GRIA1: variants seen among roughly 807,000 people sequenced by gnomAD.
The protein encoded by GRIA1 is glutamate ionotropic receptor AMPA type subunit 1, also known as glutamate receptor 1.
A neutral mutation model predicts 99.2 loss-of-function variants in GRIA1; 31 were observed. The observed-to-expected ratio is 0.31, with a 90% CI of 0.23 to 0.42. The LOEUF (loss-of-function observed/expected upper bound fraction) is 0.42, where lower values mean the gene tolerates loss of function less well. Ranked by LOEUF, GRIA1 falls within the 10% of genes least tolerant of loss-of-function variation. The pLI is 1.00. For missense variants in GRIA1, 782 were observed against 1,157.5 expected, an observed-to-expected ratio of 0.68 and a Z score of 4.71; for synonymous variants, 438 against 432.4, an observed-to-expected ratio of 1.01 and a Z score of -0.16.
In GRIA1 at chr5:153,689,028, C is replaced by T. The variant is rs895099618; in HGVS notation, c.1134+2699C>T. ...AGCCACCGCCCCCAGGCTTTTTTTT[C>T]TTTCTTTCTTTCTTTTTTGAGGCAG... On this transcript the variant is annotated intron_variant, in intron 8 of 15. Coordinates refer to ENST00000285900, the MANE Select transcript of GRIA1 (RefSeq NM_000827.4). 4.0e-5 allele frequency among the ~76,000 whole-genome samples: 6 copies of T among 151,030 alleles called. No individual in the cohort carries two copies. In the East Asian group the frequency reaches 9.7e-4, roughly 24 times the overall value.
intron 2 of GRIA1, among the ~76,000 whole-genome samples, chr5:153,511,963 A>C (rs1207131010): frequency 2.0e-5 from 3 of 152,186 alleles, no homozygotes; most frequent in African/African-American, 4.8e-5. Context: ...CTGAAATAAC[A>C]CCCAGCCTCT....
chr5:153,499,107 T>A (rs1754716688), intron 2 of GRIA1, among the ~76,000 whole-genome samples: 1 of 152,304 alleles, frequency 6.6e-6, no homozygotes, highest in South Asian at 2.1e-4. Context: ...AAACAAGAAT[T>A]ATTTTGAAGA....
At chr5:153,763,704 A>C (rs1313466092) in intron 11 of GRIA1, among the ~76,000 whole-genome samples, 1 of 152,192 alleles carries the variant, frequency 6.6e-6, no homozygotes, top group African/African-American at 2.4e-5. Flanking sequence ...GTTTCTCTTC[A>C]TTGTTTGGGA....
At chr5:153,694,131 A>AT (rs1433857272) in intron 8 of GRIA1, among the ~76,000 whole-genome samples, 2 of 152,160 alleles carry the variant, frequency 1.3e-5, no homozygotes, top group East Asian at 1.9e-4. Flanking sequence ...GCTATACCAC[A>AT]TTTTTTTAGA....
At chr5:153,718,782 C>G (rs957082763) in intron 11 of GRIA1, among the ~76,000 whole-genome samples, 2 of 152,170 alleles carry the variant, frequency 1.3e-5, no homozygotes, top group African/African-American at 2.4e-5. Flanking sequence ...TGACAGGCAT[C>G]TCCTTATCTG....
Position 153,498,255 on chromosome 5 carries a change from A to G in GRIA1, c.220+4190A>G, listed in dbSNP as rs899970663. Among the ~76,000 whole-genome samples, 4 of 151,966 alleles carry G rather than the reference A, an allele frequency of 2.6e-5. No individual in the cohort carries two copies. The East Asian group carries it at 7.7e-4, about 29-fold the overall frequency. On this transcript the variant is annotated intron_variant, in intron 2 of 15. Coordinates refer to ENST00000285900, the MANE Select transcript of GRIA1 (RefSeq NM_000827.4). ...CTTTCCCAATCAGCCCATTCTTCCC[A>G]TTTTCTTTACCTGCTGGCTTTGGCA...
At position 153,646,920 on chromosome 5, in the gene GRIA1, T is replaced by C. The variant is rs776293060; in HGVS notation, c.221-8T>C. On this transcript the variant is annotated splice_region_variant and splice_polypyrimidine_tract_variant and intron_variant, in intron 2 of 15. Coordinates refer to ENST00000285900, the MANE Select transcript of GRIA1 (RefSeq NM_000827.4). ...CTTCTATTCATTAATCCTTCTCTTC[T>C]CTTGTAGTCTGTTCCCAGTTCTCCA... 6.2e-7 allele frequency: 1 copy of C among 1,613,392 alleles called. No homozygotes were observed. Among genetic ancestry groups the C allele is most frequent in the Admixed American group, 1.7e-5 (1 of 59,964 alleles).
chr5:153,515,353 T>C (rs367578061), intron 2 of GRIA1, among the ~76,000 whole-genome samples: 27 of 152,320 alleles, frequency 1.8e-4, no homozygotes, highest in African/African-American at 4.6e-4. Flanking sequence ...GAGGACATCA[T>C]GCTAAGTTAA....
intron 11 of GRIA1, among the ~76,000 whole-genome samples, chr5:153,759,556 G>C (rs926391008): frequency 5.9e-5 from 9 of 151,922 alleles, no homozygotes; most frequent in African/African-American, 2.2e-4. Flanking sequence ...GATTGAATCA[G>C]TAATAAAAAG....
At chr5:153,650,127 A>G (rs1243276509) in intron 3 of GRIA1, among the ~76,000 whole-genome samples, 1 of 152,196 alleles carries the variant, frequency 6.6e-6, no homozygotes, top group African/African-American at 2.4e-5. Context: ...TTGTTTTTTA[A>G]TCACTAGTTC....
chr5:153,753,056 AAGG>A (rs1762598873), intron 11 of GRIA1, among the ~76,000 whole-genome samples: 1 of 152,216 alleles, frequency 6.6e-6, no homozygotes, highest in Admixed American at 6.5e-5. Context: ...CTATAACCAC[AAGG>A]AGATGAATTC....
intron 2 of GRIA1, among the ~76,000 whole-genome samples, chr5:153,618,013 G>T (rs949604231): frequency 6.6e-6 from 1 of 152,190 alleles, no homozygotes; most frequent in Non-Finnish European, 1.5e-5. Flanking sequence ...GTGTGGGGTG[G>T]ATGTAGTAAC....
Position 153,551,925 on chromosome 5 carries a change from T to G in GRIA1, c.220+57860T>G, listed in dbSNP as rs527971810. On this transcript the variant is annotated intron_variant, in intron 2 of 15. Transcript: ENST00000285900. The stretch of plus-strand genomic sequence containing the variant: ...AGGGAAAATACTATAGTCACCCTAA[T>G]TCCTTCAAGAAAGAAGGCAGAGAAA... Among the ~76,000 whole-genome samples the G allele has an allele frequency of 1.4e-4, 22 of 152,294 alleles. 1 individual carries two copies. The highest frequency in any genetic ancestry group is 1.3e-3 in the Admixed American group (20 of 15,292).
chr5:153,772,465 T>G (rs1210810036), intron 13 of GRIA1, among the ~76,000 whole-genome samples: 1 of 152,100 alleles, frequency 6.6e-6, no homozygotes, highest in Non-Finnish European at 1.5e-5. Flanking sequence ...AAGCTGAGAT[T>G]GGAGGATGAG....
At chr5:153,720,496 G>A (rs1217784184) in intron 11 of GRIA1, among the ~76,000 whole-genome samples, 1 of 152,114 alleles carries the variant, frequency 6.6e-6, no homozygotes, top group African/African-American at 2.4e-5. Context: ...TCCATCCCAC[G>A]CCCAGAGTCT....
rs982937956 is a variant in GRIA1, at chr5:153,637,788, G to A, written c.221-9140G>A. The stretch of plus-strand genomic sequence containing the variant: ...GGACTGAAGCACAGGGGAGTATTAC[G>A]TATCTTCCAGACCTGTGGATGCTAG... On this transcript the variant is annotated intron_variant, in intron 2 of 15. Transcript: ENST00000285900. 4.6e-5 allele frequency among the ~76,000 whole-genome samples: 7 copies of A among 152,038 alleles called. No individual in the cohort carries two copies. In the East Asian group the frequency reaches 7.7e-4, roughly 17 times the overall value.
chr5:153,737,439 A>G (rs1300836965), intron 11 of GRIA1, among the ~76,000 whole-genome samples: 1 of 152,164 alleles, frequency 6.6e-6, no homozygotes, highest in African/African-American at 2.4e-5. Flanking sequence ...GTGATTGCCA[A>G]TTACTGTGTG....
chr5:153,573,819 CATG>C (rs1762317796), intron 2 of GRIA1, among the ~76,000 whole-genome samples: 1 of 152,122 alleles, frequency 6.6e-6, no homozygotes, highest in South Asian at 2.1e-4. Context: ...TGTGTGGCTG[CATG>C]CCAAATGCTC....
intron 5 of GRIA1, among the ~76,000 whole-genome samples, chr5:153,670,054 T>C (rs1026803570): frequency 3.9e-5 from 6 of 152,230 alleles, no homozygotes; most frequent in African/African-American, 1.4e-4. Context: ...TGGGGATGGT[T>C]ATTTTGCAAA....
Sources: allele counts gnomAD v4.1 joint callset (sites outside exome capture counted in the v4.1 genomes callset), GRCh38; gene constraint gnomAD v4.1.1; transcripts MANE v1.5; gene names NCBI Gene and HGNC (gene_info 2026-07-23, HGNC 2026-07-21).